Variants in DPP10 observed in about 807,000 individuals in gnomAD.
The protein encoded by DPP10 is inactive dipeptidyl peptidase 10.
Under a neutral mutation model 120.9 loss-of-function variants are expected in DPP10, and 33 were observed. The observed-to-expected ratio is 0.27, with a 90% confidence interval of 0.21 to 0.37. The LOEUF is 0.37. Among genes scored for constraint, DPP10 ranks in the 10% least tolerant of loss-of-function variants. The probability of loss-of-function intolerance (pLI) is 1.00; values close to 1 mark genes in which losing one functional copy is unlikely to be tolerated. For missense variants in DPP10, 816 were observed against 942.8 expected (o/e 0.87, Z 1.76); for synonymous variants, 337 against 326.1 (o/e 1.03, Z -0.36).
chr2:115,076,396 G>A (rs1237343267), intron 1 of DPP10, among the ~76,000 whole-genome samples: 1 of 149,920 alleles, frequency 6.7e-6, no homozygotes, highest in Non-Finnish European at 1.5e-5. Flanking sequence ...TTAGACTGAA[G>A]GACTCCTAGA....
chr2:115,090,308 G>T (rs1205755652), intron 1 of DPP10, among the ~76,000 whole-genome samples: 1 of 152,096 alleles, frequency 6.6e-6, no homozygotes, highest in African/African-American at 2.4e-5. Flanking sequence ...AAAATGTGTA[G>T]TCCCTGGGTA....
intron 1 of DPP10, among the ~76,000 whole-genome samples, chr2:115,026,538 T>C (rs1296331054): frequency 6.6e-6 from 1 of 152,130 alleles, no homozygotes; most frequent in Non-Finnish European, 1.5e-5. Flanking sequence ...CTATTCCTTT[T>C]CTTTGTTTTC....
At chr2:115,001,574 G>GTA (rs1701441606) in intron 1 of DPP10, among the ~76,000 whole-genome samples, 1 of 152,104 alleles carries the variant, frequency 6.6e-6, no homozygotes, top group African/African-American at 2.4e-5. Flanking sequence ...GAAATAAAAG[G>GTA]TATCCAAATA....
At chr2:114,458,411 G>A (rs1307594740) in intron 1 of DPP10, among the ~76,000 whole-genome samples, 1 of 152,040 alleles carries the variant, frequency 6.6e-6, no homozygotes, top group African/African-American at 2.4e-5. Flanking sequence ...TCTGCATTTT[G>A]AGACTGATTT....
intron 5 of DPP10, chr2:115,580,093 T>G (rs2081929731): frequency 6.6e-6 from 1 of 152,204 alleles, no homozygotes; most frequent in South Asian, 2.1e-4. Context: ...TGTTTCTGCC[T>G]TAGTTTGCTA....
chr2:115,014,808 G>C (rs1288876260), intron 1 of DPP10, among the ~76,000 whole-genome samples: 1 of 133,634 alleles, frequency 7.5e-6, no homozygotes, highest in Non-Finnish European at 1.6e-5. Context: ...TCGAATCCCT[G>C]AATAGACCAA....
rs555491920 is a variant in DPP10, at chr2:115,535,072, CTCTGATGGTAGTTTCT to C, written c.441+9102_441+9117del. Among the ~76,000 whole-genome samples the C allele has an allele frequency of 8.2e-3, 1,241 of 151,066 alleles. 15 individuals carry two copies. Among genetic ancestry groups the C allele is most frequent in the African/African-American group, 0.029 (1,201 of 41,278 alleles). On this transcript the variant is annotated intron_variant, in intron 5 of 25. Coordinates refer to ENST00000410059, the MANE Select transcript of DPP10 (RefSeq NM_020868.6). ...TCCCATTTTGTAGGTTGCCTGTTCA[CTCTGATGGTAGTTTCT>C]TTTGCTGTGCAGAAGCTCTTTACTT...
intron 3 of DPP10, among the ~76,000 whole-genome samples, chr2:115,415,366 C>T (rs1464344448): frequency 1.3e-5 from 2 of 152,184 alleles, no homozygotes; most frequent in Non-Finnish European, 2.9e-5. Flanking sequence ...CTCACAGCTG[C>T]TTCTGTATCT....
At chr2:114,838,746 G>A (rs373178777) in intron 1 of DPP10, among the ~76,000 whole-genome samples, 2 of 152,118 alleles carry the variant, frequency 1.3e-5, no homozygotes, top group Non-Finnish European at 2.9e-5. Flanking sequence ...TACCATGGGG[G>A]CATTCTTTCA....
chr2:115,351,741 C>G (rs1224064379), intron 3 of DPP10, among the ~76,000 whole-genome samples: 1 of 151,934 alleles, frequency 6.6e-6, no homozygotes, highest in Non-Finnish European at 1.5e-5. Flanking sequence ...TAAACAAATG[C>G]TTAAAAAGCA....
chr2:115,355,235 T>G (rs1461802288), intron 3 of DPP10, among the ~76,000 whole-genome samples: 1 of 152,214 alleles, frequency 6.6e-6, no homozygotes, highest in Non-Finnish European at 1.5e-5. Flanking sequence ...GTTTCTTAAC[T>G]TTTTAATAAT....
intron 1 of DPP10, among the ~76,000 whole-genome samples, chr2:114,822,796 C>T (rs113526477): frequency 2.1e-4 from 32 of 152,216 alleles, no homozygotes; most frequent in South Asian, 8.3e-4. Context: ...CTCTAGGACA[C>T]GGGCAAAATG....
intron 1 of DPP10, among the ~76,000 whole-genome samples, chr2:114,704,855 G>T (rs765678942): frequency 7.2e-5 from 11 of 152,058 alleles, no homozygotes; most frequent in Non-Finnish European, 1.6e-4. Context: ...GTTAAATGAG[G>T]CTATAGTGGT....
At chr2:115,014,997 T>C (rs1702532124) in intron 1 of DPP10, among the ~76,000 whole-genome samples, 1 of 152,102 alleles carries the variant, frequency 6.6e-6, no homozygotes. Context: ...CCTAACTCAT[T>C]TTATGAGGCC....
At chr2:114,469,906 A>G (rs1189520886) in intron 1 of DPP10, among the ~76,000 whole-genome samples, 35 of 152,190 alleles carry the variant, frequency 2.3e-4, no homozygotes, top group Admixed American at 2.3e-3. Context: ...GAAATAGAGA[A>G]GAGAAAGACA....
intron 5 of DPP10, among the ~76,000 whole-genome samples, chr2:115,557,236 C>T (rs2080271185): frequency 6.6e-6 from 1 of 152,028 alleles, no homozygotes; most frequent in African/African-American, 2.4e-5. Context: ...TGCGGTACCA[C>T]ATTATTTTTT....
chr2:114,688,918 G>A (rs1699547847), intron 1 of DPP10, among the ~76,000 whole-genome samples: 2 of 151,790 alleles, frequency 1.3e-5, no homozygotes, highest in African/African-American at 2.4e-5. Context: ...TGTGGGAAGT[G>A]TGTGTATGTG....
chr2:114,914,508 T>G (rs889567949), intron 1 of DPP10, among the ~76,000 whole-genome samples: 3 of 152,284 alleles, frequency 2.0e-5, no homozygotes, highest in Middle Eastern at 3.4e-3. Context: ...AAGCACATGC[T>G]TACGGAATTT....
intron 1 of DPP10, among the ~76,000 whole-genome samples, chr2:115,196,556 T>C (rs2055282613): frequency 6.6e-6 from 1 of 152,258 alleles, no homozygotes; most frequent in South Asian, 2.1e-4. Flanking sequence ...CTAATTGCAC[T>C]GACCCATAAT....
Sources: allele counts gnomAD v4.1 joint callset (sites outside exome capture counted in the v4.1 genomes callset), GRCh38; gene constraint gnomAD v4.1.1; transcripts MANE v1.5; gene names NCBI Gene and HGNC (gene_info 2026-07-23, HGNC 2026-07-21).